Variants in CA10 observed in about 807,000 individuals in gnomAD.
The protein encoded by CA10 is carbonic anhydrase 10 (inactive).
Under a neutral mutation model 44.2 loss-of-function variants are expected in CA10, and 14 were observed. That is an observed-to-expected ratio of 0.32 (90% confidence interval 0.21 to 0.50). The LOEUF is 0.50. Ranked by LOEUF, CA10 falls within the 20% of genes least tolerant of loss-of-function variation. CA10 has a pLI of 0.99. For synonymous variants in CA10, 159 were observed against 141.6 expected (o/e 1.12, Z -0.87); for missense variants, 350 against 409.7 (o/e 0.85, Z 1.26).
chr17:51,801,491 TAA>T (rs56836202), intron 3 of CA10, among the ~76,000 whole-genome samples: 1 of 150,228 alleles, frequency 6.7e-6, no homozygotes, highest in South Asian at 2.1e-4. Context: ...GGAAAAAAAT[TAA>T]AAAAAAACAG....
At chr17:52,119,388 T>C (rs922095657) in intron 1 of CA10, among the ~76,000 whole-genome samples, 3 of 152,226 alleles carry the variant, frequency 2.0e-5, no homozygotes, top group Non-Finnish European at 4.4e-5. Flanking sequence ...CAAGCTTGAC[T>C]TGCAGAGCTG....
intron 3 of CA10, among the ~76,000 whole-genome samples, chr17:51,900,445 A>T (rs185622542): frequency 5.3e-5 from 8 of 152,136 alleles, no homozygotes; most frequent in Non-Finnish European, 1.0e-4. Context: ...CCTTCTCTCT[A>T]GCTTACTTTA....
chr17:51,859,478 T>C (rs1481685654), intron 3 of CA10, among the ~76,000 whole-genome samples: 2 of 152,148 alleles, frequency 1.3e-5, no homozygotes, highest in Admixed American at 6.6e-5. Context: ...ATAATATACT[T>C]TTGGCTGGGT....
chr17:51,757,869 T>G (rs1485285316), intron 3 of CA10, among the ~76,000 whole-genome samples: 1 of 152,102 alleles, frequency 6.6e-6, no homozygotes, highest in Non-Finnish European at 1.5e-5. Context: ...CTTTTTTTTT[T>G]CTTTTGCAAT....
chr17:51,874,175 T>C (rs1046375563), intron 3 of CA10, among the ~76,000 whole-genome samples: 2 of 152,166 alleles, frequency 1.3e-5, no homozygotes, highest in African/African-American at 2.4e-5. Context: ...AAGTCCATTT[T>C]TGTACATATA....
At chr17:51,984,095 TA>T (rs1984745640) in intron 2 of CA10, among the ~76,000 whole-genome samples, 1 of 151,776 alleles carries the variant, frequency 6.6e-6, no homozygotes. Context: ...CTGATTCTAT[TA>T]GACTACTAAT....
intron 3 of CA10, among the ~76,000 whole-genome samples, chr17:51,809,431 G>T (rs1454047544): frequency 1.3e-5 from 2 of 152,192 alleles, no homozygotes; most frequent in African/African-American, 4.8e-5. Flanking sequence ...CTTGCCCACA[G>T]AAGAGATGCA....
intron 2 of CA10, among the ~76,000 whole-genome samples, chr17:51,955,268 G>A (rs954256737): frequency 6.6e-6 from 1 of 152,110 alleles, no homozygotes; most frequent in African/African-American, 2.4e-5. Context: ...GAGGTTTCCT[G>A]ATGGCCTCAA....
chr17:52,054,751 A>G (rs980168272), intron 2 of CA10, among the ~76,000 whole-genome samples: 25 of 152,104 alleles, frequency 1.6e-4, no homozygotes, highest in Non-Finnish European at 2.2e-4. Context: ...TACGTGAAAT[A>G]TCGGGGGTGA....
chr17:51,654,626 A>G (rs1913719645), intron 4 of CA10, among the ~76,000 whole-genome samples: 1 of 150,998 alleles, frequency 6.6e-6, no homozygotes, highest in African/African-American at 2.4e-5. Context: ...GCGCGATTTC[A>G]GCTCACTGCA....
At position 51,631,580 on chromosome 17, in the gene CA10, T is replaced by G. The variant is rs1393608586; in HGVS notation, c.*4A>C. ...TGAGGTGGGATTCTTCTTGGCTTTGTTCCCTACTTGAGGAGCCATTCATTT... is the reference window on the plus strand; with the variant it reads ...TGAGGTGGGATTCTTCTTGGCTTTGGTCCCTACTTGAGGAGCCATTCATTT... On this transcript the variant is annotated 3_prime_UTR_variant, in exon 9 of 9. Transcript: ENST00000451037. 6.2e-7 allele frequency: 1 copy of G among 1,612,838 alleles called. No individual in the cohort carries two copies. Among genetic ancestry groups the G allele is most frequent in the Non-Finnish European group, 8.5e-7 (1 of 1,178,920 alleles).
intron 2 of CA10, among the ~76,000 whole-genome samples, chr17:51,967,602 A>G (rs1279557972): frequency 6.6e-6 from 1 of 151,792 alleles, no homozygotes; most frequent in Non-Finnish European, 1.5e-5. Context: ...CAATCTAAAT[A>G]CTGCATAGTC....
intron 2 of CA10, among the ~76,000 whole-genome samples, chr17:51,955,004 A>G (rs2144039453): frequency 6.6e-6 from 1 of 152,284 alleles, no homozygotes; most frequent in East Asian, 1.9e-4. Flanking sequence ...TTGAGGCTCT[A>G]TTACTGGTGA....
chr17:51,751,978 C>T (rs1904907462), intron 3 of CA10, among the ~76,000 whole-genome samples: 1 of 152,128 alleles, frequency 6.6e-6, no homozygotes, highest in Admixed American at 6.5e-5. Context: ...TCCCTGCCAT[C>T]ATGGAGCTCA....
At chr17:51,869,136 A>G (rs1012830845) in intron 3 of CA10, among the ~76,000 whole-genome samples, 3 of 152,154 alleles carry the variant, frequency 2.0e-5, no homozygotes, top group African/African-American at 4.8e-5. Context: ...CAATAGAAAA[A>G]GGACTATTTT....
At chr17:51,906,445 G>A (rs150242402) in intron 3 of CA10, among the ~76,000 whole-genome samples, 2 of 152,056 alleles carry the variant, frequency 1.3e-5, no homozygotes, top group East Asian at 3.9e-4. Flanking sequence ...GTGCCATCTC[G>A]GTCTCCATTG....
At chr17:51,825,024 A>T (rs9904408) in intron 3 of CA10, among the ~76,000 whole-genome samples, 9,012 of 152,226 alleles carry the variant, frequency 0.059, 745 homozygotes, top group African/African-American at 0.19. Context: ...TTTATTATTT[A>T]GTGATCATGA....
At chr17:51,928,074 T>C (rs963243823) in intron 3 of CA10, among the ~76,000 whole-genome samples, 4 of 152,158 alleles carry the variant, frequency 2.6e-5, no homozygotes, top group Admixed American at 6.6e-5. Flanking sequence ...TTTGGGATCA[T>C]AAGTGCTTCA....
rs1011891860 is a variant in CA10 at position 51,863,863 on chromosome 17, G to A, written c.279+67127C>T. 2.6e-5 allele frequency among the ~76,000 whole-genome samples: 4 copies of A among 152,158 alleles called. No individual in the cohort carries two copies. In the South Asian group the frequency reaches 8.3e-4, roughly 32 times the overall value. ...ACATCAATATATGACAATACTTATA[G>A]GACTGCCAACCGGGAAAGCTCACCT... On this transcript the variant is annotated intron_variant, in intron 3 of 8. Coordinates refer to ENST00000451037, the MANE Select transcript of CA10 (RefSeq NM_020178.5).
Sources: gnomAD v4.1 joint callset for allele counts (sites outside exome capture counted in the v4.1 genomes callset) on GRCh38, gnomAD v4.1.1 for gene constraint, MANE v1.5 for transcripts, NCBI Gene and HGNC (gene_info 2026-07-23, HGNC 2026-07-21) for gene names.